The following PDE5A variants were observed in gnomAD, a reference collection of about 807,000 sequenced individuals.
The protein encoded by PDE5A is cGMP-specific 3',5'-cyclic phosphodiesterase.
A neutral mutation model predicts 110.2 loss-of-function variants in PDE5A; 67 were observed. That is an observed-to-expected ratio of 0.61 (90% CI 0.50 to 0.75). PDE5A has a LOEUF of 0.75. PDE5A is among the 30% of genes least tolerant of loss of function. PDE5A has a pLI of 0.00. For missense variants in PDE5A, 862 were observed against 1,045.1 expected (o/e 0.82, Z 2.42); for synonymous variants, 328 against 351.2 (o/e 0.93, Z 0.74).
chr4:119,578,813 AC>A (rs1436472045), intron 3 of PDE5A, among the ~76,000 whole-genome samples: 2 of 151,466 alleles, frequency 1.3e-5, no homozygotes, highest in Non-Finnish European at 2.9e-5. Context: ...AAAAGCAATG[AC>A]AACAAAAGCC....
At chr4:119,577,109 A>C (rs1364232747) in intron 3 of PDE5A, among the ~76,000 whole-genome samples, 12 of 152,094 alleles carry the variant, frequency 7.9e-5, no homozygotes, top group South Asian at 6.2e-4. Context: ...AATTCCTCGA[A>C]ACATACCCCC....
chr4:119,568,879 A>C (rs1728042233), intron 3 of PDE5A, among the ~76,000 whole-genome samples: 1 of 152,226 alleles, frequency 6.6e-6, no homozygotes, highest in Non-Finnish European at 1.5e-5. Context: ...TGTACTAAGC[A>C]AGAAAATAAA....
At chr4:119,615,273 A>G (rs1729896216) in intron 1 of PDE5A, among the ~76,000 whole-genome samples, 1 of 152,174 alleles carries the variant, frequency 6.6e-6, no homozygotes, top group Non-Finnish European at 1.5e-5. Context: ...CTCACTGCAC[A>G]GGGTTGATGT....
intron 3 of PDE5A, among the ~76,000 whole-genome samples, chr4:119,592,579 G>A (rs11945344): frequency 6.7e-6 from 1 of 149,722 alleles, no homozygotes; most frequent in Non-Finnish European, 1.5e-5. Context: ...TCAAGTTTTA[G>A]ATTATTTTTG....
At chr4:119,536,095 A>G (rs771380517) in intron 11 of PDE5A, among the ~76,000 whole-genome samples, 3 of 152,208 alleles carry the variant, frequency 2.0e-5, no homozygotes, top group Non-Finnish European at 4.4e-5. Flanking sequence ...TGCAGCTGCC[A>G]GAAATCTATT....
At chr4:119,531,331 T>G (rs993853060) in intron 11 of PDE5A, among the ~76,000 whole-genome samples, 10 of 152,136 alleles carry the variant, frequency 6.6e-5, no homozygotes, top group African/African-American at 2.4e-4. Flanking sequence ...CAGACTGGAG[T>G]GCAGTGGCAC....
At chr4:119,566,981 C>A in intron 4 of PDE5A, 92 bp downstream of exon 4, 1 of 856,172 alleles carries the variant, frequency 1.2e-6, no homozygotes, top group Non-Finnish European at 1.9e-6. Context: ...GTGTGACCAA[C>A]AATTTCAGCA....
intron 2 of PDE5A, among the ~76,000 whole-genome samples, chr4:119,597,174 C>G (rs3756154): frequency 4.0e-5 from 6 of 151,846 alleles, no homozygotes; most frequent in Admixed American, 3.9e-4. Flanking sequence ...ATTATACACA[C>G]CCAATAATCA....
At chr4:119,625,249 G>A (rs545808088) in intron 1 of PDE5A, among the ~76,000 whole-genome samples, 15 of 151,998 alleles carry the variant, frequency 9.9e-5, no homozygotes, top group African/African-American at 3.6e-4. Flanking sequence ...TGCCCGCCTC[G>A]GCCTCCCAAA....
Position 119,525,906 on chromosome 4 carries a change from T to C in PDE5A, c.1633-211A>G, listed in dbSNP as rs1216331281. On this transcript the variant is annotated intron_variant, in intron 11 of 20. Transcript: ENST00000354960. The surrounding 1 kb of genome is among the most constrained non-coding windows in gnomAD (Gnocchi z 4.3). ...TAAGGGTAATTAATATGGTTCAAAG[T>C]AGGCTAAGTGGAGAAAAGGGAGTTG... 6.6e-6 allele frequency among the ~76,000 whole-genome samples: 1 copy of C among 152,068 alleles called. No homozygotes were observed. Among genetic ancestry groups the C allele is most frequent in the Non-Finnish European group, 1.5e-5 (1 of 68,004 alleles).
At chr4:119,548,080 G>A (rs1224088453) in intron 9 of PDE5A, 1 of 95,674 alleles carries the variant, frequency 1.0e-5, no homozygotes, top group Admixed American at 1.7e-4. Context: ...ACGGAGTCCC[G>A]CTCTTTAGCC....
intron 11 of PDE5A, among the ~76,000 whole-genome samples, chr4:119,528,322 C>T (rs184642817): frequency 1.3e-3 from 193 of 152,078 alleles, no homozygotes; most frequent in African/African-American, 4.3e-3. Flanking sequence ...AAGAGTGGAA[C>T]GAGAGTTAAT....
intron 16 of PDE5A, among the ~76,000 whole-genome samples, chr4:119,506,266 A>T (rs1725550917): frequency 6.6e-6 from 1 of 151,882 alleles, no homozygotes; most frequent in South Asian, 2.1e-4. Flanking sequence ...AGGTATTTTA[A>T]GTGCATGGCA....
chr4:119,614,398 T>C (rs1729863491), intron 1 of PDE5A, among the ~76,000 whole-genome samples: 1 of 152,154 alleles, frequency 6.6e-6, no homozygotes, highest in African/African-American at 2.4e-5. Context: ...CAAGATGAAC[T>C]GGCTGTCCTG....
intron 3 of PDE5A, among the ~76,000 whole-genome samples, chr4:119,591,203 C>T (rs1027771959): frequency 5.9e-5 from 9 of 152,172 alleles, no homozygotes; most frequent in African/African-American, 2.2e-4. Flanking sequence ...CCTCTTCATG[C>T]AGCTCTTATT....
chr4:119,502,292 CATAAGA>C (rs1437091141), intron 19 of PDE5A: 2 of 243,162 alleles, frequency 8.2e-6, no homozygotes, highest in African/African-American at 4.6e-5. Context: ...CATGATAATA[CATAAGA>C]ATATTTGTTA....
rs1451742526 is a variant in PDE5A at position 119,495,546 on chromosome 4, T to G, written c.*3055A>C. ...GATCAAATTGGAACAGGTCTAATATTTATTTGCTATGCTGAAAATAAAGGC... is the reference window on the plus strand; with the variant it reads ...GATCAAATTGGAACAGGTCTAATATGTATTTGCTATGCTGAAAATAAAGGC... On this transcript the variant is annotated 3_prime_UTR_variant, in exon 21 of 21. Transcript: ENST00000354960. The G allele has an allele frequency of 6.6e-6, 1 of 152,554 alleles. No individual in the cohort carries two copies. The highest frequency in any genetic ancestry group is 1.5e-5 in the Non-Finnish European group (1 of 68,032). The allele number at this position is 152,554 out of a possible 1,614,324, so 9.5% of individuals were successfully genotyped here.
intron 1 of PDE5A, among the ~76,000 whole-genome samples, chr4:119,616,294 G>A (rs1169550119): frequency 6.6e-6 from 1 of 152,108 alleles, no homozygotes; most frequent in Non-Finnish European, 1.5e-5. Flanking sequence ...TCCATACGGA[G>A]CAAGCAAAGA....
At chr4:119,577,127 A>T (rs1202131209) in intron 3 of PDE5A, among the ~76,000 whole-genome samples, 1 of 152,198 alleles carries the variant, frequency 6.6e-6, no homozygotes, top group Admixed American at 6.5e-5. Context: ...CCCTCCCAAG[A>T]CTAAACCAGG....
Sources: gnomAD v4.1 joint callset for allele counts (sites outside exome capture counted in the v4.1 genomes callset) on GRCh38, gnomAD v4.1.1 for gene constraint, Gnocchi (gnomAD v3.1) non-coding constraint, MANE v1.5 for transcripts, NCBI Gene and HGNC (gene_info 2026-07-23, HGNC 2026-07-21) for gene names.